The following TMEM268 variants were observed in gnomAD, a reference collection of about 807,000 sequenced individuals.
TMEM268 encodes the protein transmembrane protein C9orf91.
In TMEM268, 24 loss-of-function variants were observed where a neutral mutation model predicts 39.1. That is an observed-to-expected ratio of 0.61 (90% CI 0.44 to 0.86). TMEM268 has a LOEUF of 0.86. Ranked by LOEUF, TMEM268 falls within the 40% of genes least tolerant of loss-of-function variation. The pLI is 0.00. For synonymous variants in TMEM268, 176 were observed against 173.5 expected, an observed-to-expected ratio of 1.01 and a Z score of -0.12; for missense variants, 409 against 428.6, an observed-to-expected ratio of 0.95 and a Z score of 0.40.
chr9:114,644,491 T>G lies in TMEM268; in HGVS notation c.*1178T>G, dbSNP rs757098549. ...TGTTCTGATGTTTTATGGTATTGAT[T>G]CTGTTTTCCTGTGTATATGCCAGTT... is the stretch of plus-strand genomic sequence containing the variant. On this transcript the variant is annotated 3_prime_UTR_variant, in exon 9 of 9. Coordinates refer to ENST00000288502, the MANE Select transcript of TMEM268 (RefSeq NM_153045.4). The G allele has an allele frequency of 2.0e-5, 3 of 152,232 alleles. No homozygotes were observed. The highest frequency in any genetic ancestry group is 2.9e-5 in the Non-Finnish European group (2 of 68,068). 9.4% of individuals were successfully genotyped at this position (152,232 alleles called of 1,614,324 possible). A position where few individuals can be genotyped will look rare whatever the true frequency, so the allele number is the denominator to read the frequency against.
intron 5 of TMEM268, among the ~76,000 whole-genome samples, chr9:114,633,450 G>A (rs547820745): frequency 2.4e-4 from 37 of 152,128 alleles, no homozygotes; most frequent in Non-Finnish European, 3.8e-4. Flanking sequence ...GTGAACCACC[G>A]CGCCTGGCCC....
chr9:114,626,027 A>T (rs1846146257), intron 3 of TMEM268, among the ~76,000 whole-genome samples: 1 of 151,618 alleles, frequency 6.6e-6, no homozygotes, highest in Non-Finnish European at 1.5e-5. Context: ...GGGTTTCACC[A>T]TGTTGGCCAG....
intron 8 of TMEM268, among the ~76,000 whole-genome samples, chr9:114,640,085 G>GT (rs1391291746): frequency 2.0e-5 from 3 of 148,936 alleles, no homozygotes; most frequent in African/African-American, 7.4e-5. Flanking sequence ...AATGATAACT[G>GT]TATTAACCTC....
rs372528111 is a variant in TMEM268, at chr9:114,628,196, C to T, written c.420C>T (p.Ala140=). The stretch of plus-strand genomic sequence containing the variant: ...CTGGCATGCTGCTCGTGACCCTGGC[C>T]GCGGTGAGCCTGACCTTGACTCTTG... ...HWAGMLLVTL[A]AVSLTLTLVL... The change falls in exon 5 of 9, where the codon GCC becomes GCT. Residue 140 remains alanine (A), a synonymous_variant. Coordinates refer to ENST00000288502, the MANE Select transcript of TMEM268 (RefSeq NM_153045.4). 184 of 1,614,046 alleles carry T rather than the reference C, an allele frequency of 1.1e-4. No homozygotes were observed. Among genetic ancestry groups the T allele is most frequent in the Non-Finnish European group, 8.9e-5 (105 of 1,180,038 alleles).
the TMEM268 span, among the ~76,000 whole-genome samples, chr9:114,605,346 G>GA: frequency 1.3e-5 from 2 of 149,124 alleles, no homozygotes; most frequent in Non-Finnish European, 3.0e-5. Flanking sequence ...TTTTTTTCTG[G>GA]TTTTTTTTTT....
chr9:114,627,426 AT>A (rs1846211106), intron 4 of TMEM268, among the ~76,000 whole-genome samples: 1 of 152,324 alleles, frequency 6.6e-6, no homozygotes, highest in African/African-American at 2.4e-5. Context: ...TATATATAAA[AT>A]ATATGTATAC....
At position 114,643,365 on chromosome 9, in the gene TMEM268, T is replaced by A. The variant is rs41278673; in HGVS notation, c.*52T>A. The A allele has an allele frequency of 6.4e-6, 10 of 1,564,550 alleles. No homozygotes were observed. The highest frequency in any genetic ancestry group is 8.8e-6 in the Non-Finnish European group (10 of 1,139,360). On this transcript the variant is annotated 3_prime_UTR_variant, in exon 9 of 9. Transcript: ENST00000288502. ...TTCAAGACTGAGCAGTCAGGAAGGC[T>A]TCAGGAGCCCAAGATGGCCAATGGG...
chr9:114,604,318 C>T, the TMEM268 span, among the ~76,000 whole-genome samples: 1 of 152,058 alleles, frequency 6.6e-6, no homozygotes, highest in African/African-American at 2.4e-5. Context: ...TGGCTCACAC[C>T]TGTAATCCCA....
intron 8 of TMEM268, among the ~76,000 whole-genome samples, chr9:114,639,009 T>C (rs775404736): frequency 5.3e-5 from 8 of 152,246 alleles, no homozygotes; most frequent in Non-Finnish European, 7.3e-5. Flanking sequence ...TGCATGTTGA[T>C]AGATTATAGC....
intron 5 of TMEM268, among the ~76,000 whole-genome samples, chr9:114,633,143 A>T (rs2418312): frequency 0.27 from 41,101 of 150,542 alleles, 5,943 homozygotes; most frequent in South Asian, 0.4. Context: ...CTACAGGTGG[A>T]TGCTAACATG....
chr9:114,622,537 G>A, intron 2 of TMEM268: 1 of 981,232 alleles, frequency 1.0e-6, no homozygotes, highest in Non-Finnish European at 1.2e-6. Context: ...TTCCTCCCTG[G>A]TCTTGAGGGG....
chr9:114,633,071 C>T (rs1251333738), intron 5 of TMEM268, among the ~76,000 whole-genome samples: 2 of 152,162 alleles, frequency 1.3e-5, no homozygotes, highest in African/African-American at 4.8e-5. Context: ...TCATAGCTTA[C>T]TATAACCTCA....
intron 8 of TMEM268, among the ~76,000 whole-genome samples, chr9:114,641,464 C>T (rs902134256): frequency 6.6e-6 from 1 of 152,196 alleles, no homozygotes; most frequent in African/African-American, 2.4e-5. Flanking sequence ...TTAAGCATTT[C>T]CCCTGAGATC....
At chr9:114,617,394 G>A in intron 2 of TMEM268, 93 bp downstream of exon 2, 1 of 994,778 alleles carries the variant, frequency 1.0e-6, no homozygotes. Context: ...AAGGTCAGGG[G>A]GAGGTGTCTT....
chr9:114,643,031 G>A (rs1827422178), intron 8 of TMEM268, 103 bp from the exon 9 acceptor site: 2 of 1,209,658 alleles, frequency 1.7e-6, no homozygotes. Flanking sequence ...ATCACTGCTG[G>A]GTCCAGGGGC....
rs1202707629 is a variant in TMEM268, at chr9:114,646,307, A to G, written c.*2994A>G. On this transcript the variant is annotated 3_prime_UTR_variant, in exon 9 of 9. Transcript: ENST00000288502. ...CATTCCTCATCTATAGGATGGGAAT[A>G]AGAGCATGTACCTGGCAGGTTGTTG... The G allele has an allele frequency of 6.6e-6, 1 of 152,240 alleles. No individual in the cohort carries two copies. Among genetic ancestry groups the G allele is most frequent in the Non-Finnish European group, 1.5e-5 (1 of 68,040 alleles). The allele number at this position is 152,240 out of a possible 1,614,324, so 9.4% of individuals were successfully genotyped here.
the TMEM268 span, among the ~76,000 whole-genome samples, chr9:114,604,067 A>G: frequency 1.3e-5 from 2 of 152,030 alleles, no homozygotes; most frequent in African/African-American, 4.8e-5. Context: ...AACCAGCCCA[A>G]GGATGTGCAG....
upstream of TMEM268, among the ~76,000 whole-genome samples, chr9:114,609,150 A>G (rs1215545333): frequency 1.3e-5 from 2 of 152,128 alleles, no homozygotes; most frequent in Non-Finnish European, 2.9e-5. Context: ...GTCTCTACTA[A>G]AAATGCAAAA....
chr9:114,609,968 C>T (rs1352178988), upstream of TMEM268, among the ~76,000 whole-genome samples: 1 of 152,086 alleles, frequency 6.6e-6, no homozygotes, highest in Middle Eastern at 3.2e-3. Context: ...CCTTCATGTC[C>T]ACTAAGAAAG....
Sources: gnomAD v4.1 joint callset for allele counts (sites outside exome capture counted in the v4.1 genomes callset) on GRCh38, gnomAD v4.1.1 for gene constraint, MANE v1.5 for transcripts, NCBI Gene and HGNC (gene_info 2026-07-23, HGNC 2026-07-21) for gene names.